Variants in KANSL1L observed in about 807,000 individuals in gnomAD.
The protein encoded by KANSL1L is KAT8 regulatory NSL complex subunit 1-like protein.
In KANSL1L, 25 loss-of-function variants were observed where a neutral mutation model predicts 108.6. The ratio of observed to expected loss-of-function variants is 0.23; its 90% confidence interval spans 0.17 to 0.32. KANSL1L has a LOEUF of 0.32. Among genes scored for constraint, KANSL1L ranks in the 10% least tolerant of loss-of-function variants. KANSL1L has a pLI of 1.00. For synonymous variants in KANSL1L, 405 were observed against 395.1 expected, an observed-to-expected ratio of 1.03 and a Z score of -0.30; for missense variants, 1,137 against 1,125.7, an observed-to-expected ratio of 1.01 and a Z score of -0.14.
intron 2 of KANSL1L, among the ~76,000 whole-genome samples, chr2:210,151,175 C>T (rs549682879): frequency 4.6e-5 from 7 of 152,066 alleles, no homozygotes; most frequent in East Asian, 3.9e-4. Context: ...ACCACCATGC[C>T]GGGCTAATTT....
chr2:210,065,062 G>A (rs1213734175), intron 6 of KANSL1L, among the ~76,000 whole-genome samples: 3 of 151,542 alleles, frequency 2.0e-5, no homozygotes, highest in Non-Finnish European at 4.4e-5. Context: ...CAGCACTTTG[G>A]GTAGGTGGAT....
At position 210,131,287 on chromosome 2, in the gene KANSL1L, G is replaced by A. The variant is rs530124339; in HGVS notation, c.1089-2115C>T. 3.7e-4 allele frequency among the ~76,000 whole-genome samples: 56 copies of A among 152,272 alleles called. 1 individual carries two copies. Among genetic ancestry groups the A allele is most frequent in the African/African-American group, 1.3e-3 (53 of 41,562 alleles). On this transcript the variant is annotated intron_variant, in intron 2 of 14. Coordinates refer to ENST00000281772, the MANE Select transcript of KANSL1L (RefSeq NM_152519.4). ...AAACACTGAATATAAAAATGGCTTT[G>A]ACTGGGAAGGAGAGGGGAGACAAAG... is the stretch of plus-strand genomic sequence containing the variant.
At chr2:210,089,490 A>G (rs960853787) in intron 5 of KANSL1L, among the ~76,000 whole-genome samples, 6 of 152,300 alleles carry the variant, frequency 3.9e-5, no homozygotes, top group Non-Finnish European at 7.4e-5. Flanking sequence ...GAATATTAAC[A>G]CTAGTAACTA....
intron 6 of KANSL1L, among the ~76,000 whole-genome samples, chr2:210,045,142 G>A (rs557344737): frequency 6.6e-6 from 1 of 152,226 alleles, no homozygotes; most frequent in East Asian, 1.9e-4. Context: ...AGTTTATCAA[G>A]TTTATTAACC....
At position 210,112,199 on chromosome 2, in the gene KANSL1L, T is replaced by C. The variant is rs1260043603; in HGVS notation, c.1231-7898A>G. Among the ~76,000 whole-genome samples, 10 of 152,318 alleles carry C rather than the reference T, an allele frequency of 6.6e-5. No individual in the cohort carries two copies. The East Asian group carries it at 1.2e-3, about 18-fold the overall frequency. On this transcript the variant is annotated intron_variant, in intron 3 of 14. Transcript: ENST00000281772. ...AATAGTGCCGCTATAAACATACATG[T>C]ACATGTGTCTTCATAGCAGCAACCT...
At chr2:210,151,174 C>A (rs745527270) in intron 2 of KANSL1L, among the ~76,000 whole-genome samples, 30 of 152,050 alleles carry the variant, frequency 2.0e-4, no homozygotes, top group African/African-American at 7.2e-4. Flanking sequence ...CACCACCATG[C>A]CGGGCTAATT....
At chr2:210,057,837 T>C (rs2094370315) in intron 6 of KANSL1L, among the ~76,000 whole-genome samples, 1 of 152,224 alleles carries the variant, frequency 6.6e-6, no homozygotes, top group Non-Finnish European at 1.5e-5. Context: ...CCTTGTGATT[T>C]CCTATGCTTG....
intron 5 of KANSL1L, among the ~76,000 whole-genome samples, chr2:210,079,495 C>T (rs977194990): frequency 6.7e-5 from 10 of 149,506 alleles, no homozygotes; most frequent in African/African-American, 9.9e-5. Context: ...ACTCTGGAGG[C>T]TGAGGCAGGA....
chr2:210,120,251 G>C (rs1397974333), intron 3 of KANSL1L, among the ~76,000 whole-genome samples: 1 of 152,088 alleles, frequency 6.6e-6, no homozygotes, highest in Non-Finnish European at 1.5e-5. Context: ...AATTAGCCAG[G>C]CATGGTGGCA....
chr2:210,131,757 C>T (rs1360475177), intron 2 of KANSL1L, among the ~76,000 whole-genome samples: 3 of 149,706 alleles, frequency 2.0e-5, no homozygotes, highest in Non-Finnish European at 4.4e-5. Flanking sequence ...TGGAGTGCAG[C>T]GGTGCGATCT....
intron 3 of KANSL1L, 29 bp downstream of exon 3, chr2:210,129,002 A>G (rs375917255): frequency 3.2e-6 from 5 of 1,565,452 alleles, no homozygotes; most frequent in Non-Finnish European, 4.4e-6. Context: ...AATTTTTAAC[A>G]AAAGTAGAAG....
At position 210,154,525 on chromosome 2, in the gene KANSL1L, T is replaced by C. The variant is rs2095322824; in HGVS notation, c.58A>G (p.Ser20Gly). The part of the protein sequence containing the change: ...AKGISFSSLP[S>G]TMESDKMLYM... ...AGCATCTTGTCAGACTCCATGGTAC[T>C]TGGCAAAGATGAAAAGCTGATACCC... The change falls in exon 2 of 15, where the codon AGT becomes GGT. Residue 20 changes from serine to glycine, a missense_variant. Ser to Gly is a moderately conservative substitution (Grantham distance 56). Around this residue, in one of 3 missense-constraint regions of KANSL1L, gnomAD observed 556 missense variants for 537.7 expected, o/e 1.03. Transcript: ENST00000281772. The C allele has an allele frequency of 1.3e-6, 2 of 1,583,900 alleles. No individual in the cohort carries two copies. Among genetic ancestry groups the C allele is most frequent in the Non-Finnish European group, 1.7e-6 (2 of 1,164,640 alleles).
At chr2:210,065,661 C>T (rs923121107) in intron 6 of KANSL1L, among the ~76,000 whole-genome samples, 18 of 149,816 alleles carry the variant, frequency 1.2e-4, no homozygotes, top group African/African-American at 3.9e-4. Flanking sequence ...TCTCGGCTCA[C>T]GGCAACCTCC....
rs750804668 is a variant in KANSL1L, at chr2:210,025,245, T to TAATC, written c.2452-33_2452-30dup. ...GAATTAGAAATAAAGATTTTTGTTT[T>TAATC]AATCAGAAACATTTTGAAATATAAG... On this transcript the variant is annotated intron_variant, in intron 12 of 14. Transcript: ENST00000281772. 1.5e-4 allele frequency: 194 copies of TAATC among 1,326,156 alleles called. No homozygotes were observed. In the Admixed American group the frequency reaches 1.6e-3, roughly 11 times the overall value. 82.1% of individuals were successfully genotyped at this position (1,326,156 alleles called of 1,614,324 possible). A position where few individuals can be genotyped will look rare whatever the true frequency, so the allele number is the denominator to read the frequency against.
chr2:210,033,685 A>C (rs921174493), intron 8 of KANSL1L, among the ~76,000 whole-genome samples: 1 of 133,656 alleles, frequency 7.5e-6, no homozygotes, highest in African/African-American at 2.8e-5. Context: ...GGCTGCCACC[A>C]CGCCCGGCTA....
At chr2:210,079,620 A>G (rs1253430054) in intron 5 of KANSL1L, among the ~76,000 whole-genome samples, 102 of 1,010 alleles carry the variant, frequency 0.1, 5 homozygotes, top group African/African-American at 0.15. Flanking sequence ...GTGTATATAT[A>G]TATATATATA....
intron 3 of KANSL1L, among the ~76,000 whole-genome samples, chr2:210,118,617 C>A (rs543971963): frequency 4.5e-4 from 68 of 152,076 alleles, no homozygotes; most frequent in African/African-American, 1.5e-3. Flanking sequence ...AAGGCCAGGG[C>A]AGGCAGACTG....
In KANSL1L at chr2:210,031,408, C is replaced by T; in HGVS notation, c.2155+13G>A. 1 of 1,569,468 alleles carries T rather than the reference C, an allele frequency of 6.4e-7. No homozygotes were observed. The highest frequency in any genetic ancestry group is 8.7e-7 in the Non-Finnish European group (1 of 1,146,698). On this transcript the variant is annotated intron_variant, in intron 9 of 14. Coordinates refer to ENST00000281772, the MANE Select transcript of KANSL1L (RefSeq NM_152519.4). ...TATTTATCACTACTGCTTATATCCT[C>T]ACTTTAACCTACCTAATGCTGTTTC...
intron 11 of KANSL1L, 47 bp from the exon 12 acceptor site, chr2:210,027,397 T>G (rs1261206208): frequency 1.0e-5 from 14 of 1,358,534 alleles, no homozygotes; most frequent in Non-Finnish European, 1.3e-5. Flanking sequence ...TTTATTTAAA[T>G]GTGGCAATTT....
Sources: allele counts gnomAD v4.1 joint callset (sites outside exome capture counted in the v4.1 genomes callset), GRCh38; gene constraint gnomAD v4.1.1; regional missense constraint gnomAD v4.1.1; transcripts MANE v1.5; gene names NCBI Gene and HGNC (gene_info 2026-07-23, HGNC 2026-07-21).